The following RPS6KC1 variants were observed in gnomAD, a reference collection of about 807,000 sequenced individuals.
RPS6KC1 encodes ribosomal protein S6 kinase C1.
A neutral mutation model predicts 103.8 loss-of-function variants in RPS6KC1; 54 were observed. The observed-to-expected ratio is 0.52, with a 90% confidence interval of 0.42 to 0.65. The LOEUF (loss-of-function observed/expected upper bound fraction) is 0.65. RPS6KC1 is among the 30% of genes least tolerant of loss of function. RPS6KC1 has a pLI of 0.00. For synonymous variants in RPS6KC1, 439 were observed against 438.7 expected, an observed-to-expected ratio of 1.00 and a Z score of -0.01; for missense variants, 1,151 against 1,253.8, an observed-to-expected ratio of 0.92 and a Z score of 1.24.
At chr1:213,813,247 T>TC in the RPS6KC1 span, among the ~76,000 whole-genome samples, 1 of 151,884 alleles carries the variant, frequency 6.6e-6, no homozygotes, top group Non-Finnish European at 1.5e-5. Context: ...CGAGGCTCTG[T>TC]CTCCCGCTGT....
the RPS6KC1 span, among the ~76,000 whole-genome samples, chr1:213,731,222 G>T: frequency 6.6e-6 from 1 of 152,042 alleles, no homozygotes. Context: ...GTATTGCCTT[G>T]GCTATTCAGC....
chr1:213,109,232 G>C (rs1454849273), intron 4 of RPS6KC1, among the ~76,000 whole-genome samples: 1 of 152,126 alleles, frequency 6.6e-6, no homozygotes, highest in Non-Finnish European at 1.5e-5. Context: ...CACCTCCCGG[G>C]TTCATGCCAT....
chr1:213,548,756 A>T, the RPS6KC1 span, among the ~76,000 whole-genome samples: 1 of 152,346 alleles, frequency 6.6e-6, no homozygotes, highest in South Asian at 2.1e-4. Flanking sequence ...CACAGGTATT[A>T]GTAATATTGT....
At chr1:213,580,351 G>C in the RPS6KC1 span, among the ~76,000 whole-genome samples, 2 of 152,046 alleles carry the variant, frequency 1.3e-5, no homozygotes, top group Admixed American at 1.3e-4. Flanking sequence ...GATAAAACTT[G>C]AATTAATGAG....
At chr1:213,153,067 G>A (rs911385421) in intron 6 of RPS6KC1, among the ~76,000 whole-genome samples, 4 of 152,220 alleles carry the variant, frequency 2.6e-5, no homozygotes, top group African/African-American at 9.6e-5. Context: ...GCGAAACCCC[G>A]TCTCCACCAA....
chr1:213,402,248 A>G, the RPS6KC1 span, among the ~76,000 whole-genome samples: 1 of 152,158 alleles, frequency 6.6e-6, no homozygotes, highest in Admixed American at 6.5e-5. Flanking sequence ...CAATGTGCTG[A>G]CAGTCTAGTA....
At chr1:213,396,759 C>T in the RPS6KC1 span, among the ~76,000 whole-genome samples, 2 of 152,202 alleles carry the variant, frequency 1.3e-5, no homozygotes, top group African/African-American at 4.8e-5. Context: ...GGCGCTCCTG[C>T]ACCTGGCACT....
chr1:213,190,030 C>T lies in RPS6KC1; in HGVS notation c.1044+13538C>T, dbSNP rs930352008. ...ATAGTACTTCATTTTGTATATATAC[C>T]ACATTTTTAAAATCCGTTCATCTGT... On this transcript the variant is annotated intron_variant, in intron 8 of 14. Transcript: ENST00000366960. Among the ~76,000 whole-genome samples the T allele has an allele frequency of 2.0e-5, 3 of 152,014 alleles. No individual in the cohort carries two copies. In the East Asian group the frequency reaches 5.8e-4, roughly 29 times the overall value.
the RPS6KC1 span, among the ~76,000 whole-genome samples, chr1:213,401,096 C>T: frequency 6.6e-6 from 1 of 152,118 alleles, no homozygotes; most frequent in Non-Finnish European, 1.5e-5. Flanking sequence ...GGTCCAGGGC[C>T]ATGCTTAGAG....
At chr1:213,284,020 C>T in the RPS6KC1 span, among the ~76,000 whole-genome samples, 6 of 151,706 alleles carry the variant, frequency 4.0e-5, no homozygotes, top group Non-Finnish European at 7.4e-5. Flanking sequence ...AATACCTTTA[C>T]AAATAAAGGT....
At chr1:213,437,179 A>AAGGAAGTTCTTTATC in the RPS6KC1 span, among the ~76,000 whole-genome samples, 1 of 152,012 alleles carries the variant, frequency 6.6e-6, no homozygotes, top group African/African-American at 2.4e-5. Flanking sequence ...AGTTCTTTTT[A>AAGGAAGTTCTTTATC]AAATTTCTAG....
chr1:213,245,564 G>A (rs1192657639), intron 12 of RPS6KC1, among the ~76,000 whole-genome samples: 2 of 152,112 alleles, frequency 1.3e-5, no homozygotes, highest in African/African-American at 4.8e-5. Context: ...TCACATATTT[G>A]TCCTGAAAAC....
chr1:213,219,152 C>T (rs1251908174), intron 8 of RPS6KC1, among the ~76,000 whole-genome samples: 2 of 152,062 alleles, frequency 1.3e-5, no homozygotes, highest in Admixed American at 6.6e-5. Flanking sequence ...CAATGAACTC[C>T]AACAAATTTA....
chr1:213,842,329 G>C, the RPS6KC1 span: 3 of 152,074 alleles, frequency 2.0e-5, no homozygotes, highest in Non-Finnish European at 4.4e-5. Flanking sequence ...GTCCATTCAT[G>C]GGGTGATCAG....
chr1:213,755,804 A>G, the RPS6KC1 span, among the ~76,000 whole-genome samples: 123 of 152,276 alleles, frequency 8.1e-4, no homozygotes, highest in African/African-American at 2.7e-3. Flanking sequence ...TCCATGTACC[A>G]CCCCAAAGAC....
chr1:213,388,265 A>T, the RPS6KC1 span, among the ~76,000 whole-genome samples: 1 of 152,216 alleles, frequency 6.6e-6, no homozygotes, highest in African/African-American at 2.4e-5. Context: ...GGACGGGGGA[A>T]GTCATTGAAC....
the RPS6KC1 span, among the ~76,000 whole-genome samples, chr1:213,812,277 A>G: frequency 6.6e-6 from 1 of 152,182 alleles, no homozygotes; most frequent in Non-Finnish European, 1.5e-5. Flanking sequence ...TACGTTCAAG[A>G]TTCCATGTCC....
chr1:213,524,678 A>C, the RPS6KC1 span, among the ~76,000 whole-genome samples: 1 of 152,232 alleles, frequency 6.6e-6, no homozygotes, highest in African/African-American at 2.4e-5. Flanking sequence ...TCATCTGTAG[A>C]ATGGAGTTAA....
At chr1:213,721,235 G>T in the RPS6KC1 span, among the ~76,000 whole-genome samples, 432 of 152,278 alleles carry the variant, frequency 2.8e-3, 13 homozygotes, top group East Asian at 0.072. Flanking sequence ...TCAGCCTGCT[G>T]TGTCCCCTTC....
Sources: allele counts gnomAD v4.1 joint callset (sites outside exome capture counted in the v4.1 genomes callset), GRCh38; gene constraint gnomAD v4.1.1; transcripts MANE v1.5; gene names NCBI Gene and HGNC (gene_info 2026-07-23, HGNC 2026-07-21).